STAC: variants seen among roughly 807,000 people sequenced by gnomAD.
STAC encodes SH3 and cysteine rich domain, also known as SH3 and cysteine-rich domain-containing protein.
A neutral mutation model predicts 48.8 loss-of-function variants in STAC; 43 were observed. The ratio of observed to expected loss-of-function variants is 0.88; its 90% confidence interval spans 0.69 to 1.14. STAC has a LOEUF of 1.14. STAC is among the 50% of genes most tolerant of loss of function. STAC has a pLI of 0.00. For synonymous variants in STAC, 193 were observed against 179.5 expected, an observed-to-expected ratio of 1.07 and a Z score of -0.60; for missense variants, 497 against 504.0, an observed-to-expected ratio of 0.99 and a Z score of 0.13.
At chr3:36,441,470 A>G (rs1236913513) in intron 1 of STAC, among the ~76,000 whole-genome samples, 1 of 152,168 alleles carries the variant, frequency 6.6e-6, no homozygotes, top group East Asian at 1.9e-4. Context: ...TACATGTACC[A>G]TATTTCCTTT....
intron 8 of STAC, among the ~76,000 whole-genome samples, chr3:36,523,692 C>T (rs986927570): frequency 2.0e-5 from 3 of 152,184 alleles, no homozygotes; most frequent in African/African-American, 7.2e-5. Context: ...AAGGGCCTGA[C>T]AGCCACAGAA....
Position 36,397,877 on chromosome 3 carries a change from T to C in STAC, c.111+17123T>C, listed in dbSNP as rs188818468. On this transcript the variant is annotated intron_variant, in intron 1 of 10. Transcript: ENST00000273183. Reference sequence around the variant, plus strand: ...ATTTTGGCAAAGTTTATTTCATAGATTGCCGATAGGATGACTTTTGCATGC... The same window carrying C: ...ATTTTGGCAAAGTTTATTTCATAGACTGCCGATAGGATGACTTTTGCATGC... Among the ~76,000 whole-genome samples, 6 of 152,234 alleles carry C rather than the reference T, an allele frequency of 3.9e-5. No individual in the cohort carries two copies. In the East Asian group the frequency reaches 1.2e-3, roughly 29 times the overall value.
chr3:36,544,945 T>C (rs1233862686), intron 10 of STAC, among the ~76,000 whole-genome samples: 1 of 152,160 alleles, frequency 6.6e-6, no homozygotes, highest in Non-Finnish European at 1.5e-5. Flanking sequence ...TACCAGTCCA[T>C]TGTATGTCCC....
chr3:36,450,375 C>T (rs923063568), intron 2 of STAC, among the ~76,000 whole-genome samples: 1 of 152,244 alleles, frequency 6.6e-6, no homozygotes, highest in African/African-American at 2.4e-5. Context: ...AAGGCTCCAG[C>T]CTGCCCAAAA....
intron 8 of STAC, among the ~76,000 whole-genome samples, chr3:36,514,204 CTTTTTT>C (rs765548085): frequency 5.5e-5 from 2 of 36,430 alleles, no homozygotes; most frequent in Non-Finnish European, 1.0e-4. Flanking sequence ...CACTGGCCTT[CTTTTTT>C]TTTTTTTTTT....
chr3:36,531,323 A>G (rs951209403), intron 10 of STAC, among the ~76,000 whole-genome samples: 8 of 152,208 alleles, frequency 5.3e-5, no homozygotes, highest in African/African-American at 1.9e-4. Context: ...AGAATTAGGA[A>G]CAATTGCACA....
At position 36,437,872 on chromosome 3, in the gene STAC, C is replaced by T. The variant is rs1235776185; in HGVS notation, c.112-5492C>T. On this transcript the variant is annotated intron_variant, in intron 1 of 10. Transcript: ENST00000273183. ...AAGGTTTTAATCCTCTTTTTACTGCCGTAGCCCCCAAATCAAGGTCTATGC... is the reference window on the plus strand; with the variant it reads ...AAGGTTTTAATCCTCTTTTTACTGCTGTAGCCCCCAAATCAAGGTCTATGC... 4.7e-5 allele frequency among the ~76,000 whole-genome samples: 7 copies of T among 149,798 alleles called. No individual in the cohort carries two copies. The East Asian group carries it at 5.8e-4, about 12-fold the overall frequency.
At chr3:36,422,892 A>G (rs766073956) in intron 1 of STAC, among the ~76,000 whole-genome samples, 14 of 152,172 alleles carry the variant, frequency 9.2e-5, no homozygotes, top group Non-Finnish European at 1.9e-4. Flanking sequence ...ATTGTTTGTA[A>G]TAGAAAATAT....
chr3:36,536,215 A>G (rs772066783), intron 10 of STAC, among the ~76,000 whole-genome samples: 25 of 152,022 alleles, frequency 1.6e-4, no homozygotes, highest in Admixed American at 3.3e-4. Flanking sequence ...ATGGCCATTG[A>G]CATTCTTCAC....
chr3:36,434,050 C>A (rs11921700), intron 1 of STAC, among the ~76,000 whole-genome samples: 12,170 of 152,242 alleles, frequency 0.08, 517 homozygotes, highest in African/African-American at 0.11. Flanking sequence ...ATACTAAACA[C>A]TACATTTCTA....
intron 1 of STAC, among the ~76,000 whole-genome samples, chr3:36,381,566 C>A (rs1469694930): frequency 6.6e-6 from 1 of 151,788 alleles, no homozygotes; most frequent in Non-Finnish European, 1.5e-5. Context: ...GCTCCTGGCT[C>A]TTTATTCTGA....
At chr3:36,535,584 G>A (rs997371818) in intron 10 of STAC, among the ~76,000 whole-genome samples, 17 of 152,032 alleles carry the variant, frequency 1.1e-4, no homozygotes, top group African/African-American at 2.9e-4. Context: ...TTGCCCATTC[G>A]GTATAATATT....
Position 36,546,252 on chromosome 3 carries a change from A to G in STAC, c.1172A>G (p.Lys391Arg), listed in dbSNP as rs775727439. Residue 391 changes from lysine to arginine, a missense_variant, in exon 11 of 11, where the codon AAA becomes AGA. Physicochemically the swap from Lys to Arg is conservative, Grantham distance 26. Transcript: ENST00000273183. ...GFIRVLSGKK[K>R]GLIPLDVLEN... The stretch of plus-strand genomic sequence containing the variant: ...ATCAGAGTCCTCAGTGGAAAAAAGA[A>G]AGGCCTCATCCCCCTTGATGTACTA... 6.2e-7 allele frequency: 1 copy of G among 1,614,078 alleles called. No individual in the cohort carries two copies. Among genetic ancestry groups the G allele is most frequent in the South Asian group, 1.1e-5 (1 of 91,082 alleles).
chr3:36,419,876 A>G (rs1700409064), intron 1 of STAC, among the ~76,000 whole-genome samples: 1 of 152,186 alleles, frequency 6.6e-6, no homozygotes, highest in Non-Finnish European at 1.5e-5. Context: ...TCAAAGCACC[A>G]TATTTGGGGC....
rs747432868 is a variant in STAC, at chr3:36,443,320, G to C, written c.112-44G>C. The C allele has an allele frequency of 1.9e-6, 3 of 1,609,588 alleles. No individual in the cohort carries two copies. The highest frequency in any genetic ancestry group is 1.8e-4 in the Middle Eastern group (1 of 5,424). The stretch of plus-strand genomic sequence containing the variant: ...TTACCCCCACAGCCTAGGTCTGCTT[G>C]ATCCATTGATCGTAAGAGAGACTGT... On this transcript the variant is annotated intron_variant, in intron 1 of 10. Transcript: ENST00000273183. The surrounding 1 kb of genome is among the most constrained non-coding windows in gnomAD (Gnocchi z 4.2).
intron 2 of STAC, among the ~76,000 whole-genome samples, chr3:36,478,573 C>T (rs1363604412): frequency 6.6e-6 from 1 of 152,186 alleles, no homozygotes; most frequent in South Asian, 2.1e-4. Flanking sequence ...CAGCTCACTG[C>T]AGCCTCTGTC....
intron 1 of STAC, among the ~76,000 whole-genome samples, chr3:36,407,060 T>C (rs911355010): frequency 2.6e-5 from 4 of 152,228 alleles, no homozygotes; most frequent in Non-Finnish European, 2.9e-5. Context: ...TCTAGGGTTG[T>C]AGTAAACATT....
intron 6 of STAC, among the ~76,000 whole-genome samples, chr3:36,499,864 C>CA (rs201723271): frequency 1.5e-4 from 22 of 147,714 alleles, no homozygotes; most frequent in African/African-American, 3.7e-4. Context: ...AAATATTAAG[C>CA]AAAAAAAAAT....
chr3:36,524,955 G>A (rs1320079724), intron 8 of STAC, among the ~76,000 whole-genome samples: 1 of 152,114 alleles, frequency 6.6e-6, no homozygotes, highest in African/African-American at 2.4e-5. Context: ...GAGTCTACTG[G>A]TCCTTTTTGG....
Sources: allele counts gnomAD v4.1 joint callset (sites outside exome capture counted in the v4.1 genomes callset), GRCh38; gene constraint gnomAD v4.1.1; non-coding constraint Gnocchi (gnomAD v3.1); transcripts MANE v1.5; gene names NCBI Gene and HGNC (gene_info 2026-07-23, HGNC 2026-07-21).